SGIP1: variants seen among roughly 807,000 people sequenced by gnomAD.
SGIP1 encodes the protein SH3-containing GRB2-like protein 3-interacting protein 1.
A neutral mutation model predicts 107.5 loss-of-function variants in SGIP1; 38 were observed. The ratio of observed to expected loss-of-function variants is 0.35; its 90% CI spans 0.27 to 0.46. SGIP1 has a LOEUF of 0.46. Among genes scored for constraint, SGIP1 ranks in the 20% least tolerant of loss-of-function variants. The pLI is 1.00. For synonymous variants in SGIP1, 365 were observed against 366.1 expected (o/e 1.00, Z 0.03); for missense variants, 929 against 1,019.5 (o/e 0.91, Z 1.21).
chr1:66,606,986 C>T (rs2066972070), intron 1 of SGIP1, among the ~76,000 whole-genome samples: 1 of 152,102 alleles, frequency 6.6e-6, no homozygotes, highest in Non-Finnish European at 1.5e-5. Flanking sequence ...CTTATCATAC[C>T]ATGTTCATGA....
intron 21 of SGIP1, among the ~76,000 whole-genome samples, chr1:66,736,899 C>A (rs2094283043): frequency 6.6e-6 from 1 of 151,694 alleles, no homozygotes; most frequent in African/African-American, 2.4e-5. Context: ...GGTGTATTTT[C>A]CAGAAATGCA....
chr1:66,660,249 G>GAGGA (rs139780552), intron 7 of SGIP1: 63,122 of 284,892 alleles, frequency 0.22, 14,525 homozygotes, highest in East Asian at 0.6. Flanking sequence ...GGGAGGGAGG[G>GAGGA]AGGAAGGAAG....
chr1:66,538,481 A>G (rs1026081825), intron 1 of SGIP1, among the ~76,000 whole-genome samples: 3 of 152,278 alleles, frequency 2.0e-5, no homozygotes, highest in Admixed American at 1.3e-4. Context: ...TATACTTCTA[A>G]AAAGAATATG....
At chr1:66,570,687 A>G (rs1031969302) in intron 1 of SGIP1, among the ~76,000 whole-genome samples, 1 of 151,962 alleles carries the variant, frequency 6.6e-6, no homozygotes, top group Admixed American at 6.6e-5. Flanking sequence ...AGGATTTAGT[A>G]TTGAGCAAAA....
intron 1 of SGIP1, among the ~76,000 whole-genome samples, chr1:66,610,212 C>T (rs1322659526): frequency 2.4e-4 from 37 of 152,124 alleles, no homozygotes; most frequent in Admixed American, 2.4e-3. Flanking sequence ...AAAACTAAAG[C>T]TACTCTATAT....
chr1:66,630,719 T>A (rs2074090021), intron 2 of SGIP1, among the ~76,000 whole-genome samples: 1 of 148,530 alleles, frequency 6.7e-6, no homozygotes, highest in Non-Finnish European at 1.5e-5. Context: ...GCCAGGAGAA[T>A]CACTTGAGCC....
chr1:66,603,922 G>C (rs897202958), intron 1 of SGIP1, among the ~76,000 whole-genome samples: 4 of 152,066 alleles, frequency 2.6e-5, no homozygotes, highest in African/African-American at 7.2e-5. Context: ...GTTAGTGGAG[G>C]GAATATACTA....
At chr1:66,727,044 G>A (rs1001577876) in intron 19 of SGIP1, among the ~76,000 whole-genome samples, 4 of 152,124 alleles carry the variant, frequency 2.6e-5, no homozygotes, top group Non-Finnish European at 5.9e-5. Flanking sequence ...ATAAGACACC[G>A]AAAGAATGAC....
intron 1 of SGIP1, among the ~76,000 whole-genome samples, chr1:66,589,180 A>AC (rs1424329825): frequency 3.2e-5 from 1 of 31,208 alleles, no homozygotes; most frequent in African/African-American, 2.1e-4. Flanking sequence ...ATATATATAT[A>AC]TATATATATA....
chr1:66,661,968 T>C (rs2081584301), intron 8 of SGIP1, among the ~76,000 whole-genome samples: 2 of 152,214 alleles, frequency 1.3e-5, no homozygotes, highest in South Asian at 4.1e-4. Context: ...GTTCTTTGTT[T>C]CTCTTCCCAA....
intron 9 of SGIP1, among the ~76,000 whole-genome samples, chr1:66,670,567 A>T (rs898940209): frequency 2.0e-5 from 3 of 152,192 alleles, no homozygotes; most frequent in Non-Finnish European, 4.4e-5. Flanking sequence ...GACTGTTTCC[A>T]TTAGCAACCT....
chr1:66,707,713 T>G (rs2092620890), intron 18 of SGIP1, among the ~76,000 whole-genome samples: 1 of 152,180 alleles, frequency 6.6e-6, no homozygotes, highest in Admixed American at 6.6e-5. Context: ...GACTGTTAAT[T>G]TTCCAAGAGA....
chr1:66,715,549 A>G (rs1444593718), intron 18 of SGIP1, among the ~76,000 whole-genome samples: 1 of 152,058 alleles, frequency 6.6e-6, no homozygotes, highest in African/African-American at 2.4e-5. Context: ...CATTACACTG[A>G]ACAGTGTGGT....
intron 4 of SGIP1, among the ~76,000 whole-genome samples, chr1:66,638,801 T>C (rs1293518214): frequency 6.6e-6 from 1 of 152,180 alleles, no homozygotes; most frequent in East Asian, 1.9e-4. Flanking sequence ...CAAGTGGCCT[T>C]TATTTGTTGT....
chr1:66,653,518 G>T (rs767163363), intron 7 of SGIP1, among the ~76,000 whole-genome samples: 1 of 152,052 alleles, frequency 6.6e-6, no homozygotes, highest in Non-Finnish European at 1.5e-5. Context: ...GAAATGTAAG[G>T]GTTAGATTTT....
rs1351837447 is a variant in SGIP1, at chr1:66,672,017, T to A, written c.560+22T>A. 3.2e-5 allele frequency: 51 copies of A among 1,611,870 alleles called. No homozygotes were observed. The Admixed American group carries it at 8.3e-4, about 26-fold the overall frequency. On this transcript the variant is annotated intron_variant, in intron 11 of 24. Coordinates refer to ENST00000371037, the MANE Select transcript of SGIP1 (RefSeq NM_032291.4). ...TAAGGTGAGTGTGAAAGACATTAGT[T>A]GTGTTTTATGCAAGGCATCATGAAC...
intron 1 of SGIP1, among the ~76,000 whole-genome samples, chr1:66,565,861 A>G (rs1013968229): frequency 6.6e-6 from 1 of 152,040 alleles, no homozygotes; most frequent in Non-Finnish European, 1.5e-5. Flanking sequence ...GGTTTTCAAG[A>G]AAAACATTAT....
At chr1:66,698,920 A>C (rs1268230886) in intron 18 of SGIP1, among the ~76,000 whole-genome samples, 1 of 151,474 alleles carries the variant, frequency 6.6e-6, no homozygotes, top group Admixed American at 6.6e-5. Flanking sequence ...AAAAACAAAC[A>C]AACAAAAAAT....
chr1:66,535,489 C>G (rs1180754902), intron 1 of SGIP1, among the ~76,000 whole-genome samples: 1 of 152,188 alleles, frequency 6.6e-6, no homozygotes, highest in Non-Finnish European at 1.5e-5. Context: ...TTCATAAAAA[C>G]AGCAGTGTAG....
Sources: allele counts gnomAD v4.1 joint callset (sites outside exome capture counted in the v4.1 genomes callset), GRCh38; gene constraint gnomAD v4.1.1; transcripts MANE v1.5; gene names NCBI Gene and HGNC (gene_info 2026-07-23, HGNC 2026-07-21).